ENOX1: variants seen among roughly 807,000 people sequenced by gnomAD.
ENOX1 encodes the protein ecto-NOX disulfide-thiol exchanger 1, also known as candidate growth-related and time keeping constitutive hydroquinone (NADH) oxidase.
A neutral mutation model predicts 82.5 loss-of-function variants in ENOX1; 42 were observed. The ratio of observed to expected loss-of-function variants is 0.51; its 90% CI spans 0.40 to 0.66. ENOX1 has a LOEUF of 0.66. Ranked by LOEUF, ENOX1 falls within the 30% of genes least tolerant of loss-of-function variation. The probability of loss-of-function intolerance (pLI) is 0.00; values close to 1 mark genes in which losing one functional copy is unlikely to be tolerated. For synonymous variants in ENOX1, 271 were observed against 282.2 expected (o/e 0.96, Z 0.40); for missense variants, 608 against 811.6 (o/e 0.75, Z 3.05).
intron 2 of ENOX1, among the ~76,000 whole-genome samples, chr13:43,555,210 G>A (rs1454104219): frequency 1.3e-5 from 2 of 152,232 alleles, no homozygotes; most frequent in Non-Finnish European, 2.9e-5. Context: ...CAGAGGAAAA[G>A]TGCTATCAGA....
At chr13:43,451,561 AT>A (rs2056966002) in intron 3 of ENOX1, among the ~76,000 whole-genome samples, 1 of 152,226 alleles carries the variant, frequency 6.6e-6, no homozygotes. Context: ...GTGTTTATTA[AT>A]AAGTGATTAT....
At chr13:43,540,854 A>G (rs12858981) in intron 2 of ENOX1, among the ~76,000 whole-genome samples, 27 of 152,196 alleles carry the variant, frequency 1.8e-4, no homozygotes, top group Non-Finnish European at 3.1e-4. Context: ...GGTGCCTTTA[A>G]CTTGAGAAAC....
intron 10 of ENOX1, 120 bp downstream of exon 10, chr13:43,326,299 G>A: frequency 1.2e-6 from 1 of 801,978 alleles, no homozygotes; most frequent in Admixed American, 2.2e-5. Context: ...CTGACAGTGA[G>A]ATCAGACAAT....
chr13:43,416,028 A>T (rs2054480085), intron 3 of ENOX1, among the ~76,000 whole-genome samples: 1 of 151,336 alleles, frequency 6.6e-6, no homozygotes, highest in Non-Finnish European at 1.5e-5. Flanking sequence ...AGCCGGGCAG[A>T]GGCGCTCCTC....
At chr13:43,312,169 G>A (rs1350336645) in intron 11 of ENOX1, among the ~76,000 whole-genome samples, 1 of 152,134 alleles carries the variant, frequency 6.6e-6, no homozygotes, top group African/African-American at 2.4e-5. Flanking sequence ...ATTAATTTAG[G>A]ACATTGGGGG....
At chr13:43,445,455 A>T (rs527820155) in intron 3 of ENOX1, among the ~76,000 whole-genome samples, 3 of 151,378 alleles carry the variant, frequency 2.0e-5, no homozygotes, top group East Asian at 1.9e-4. Context: ...TCTTTTTTTT[A>T]AAAAAGCCAC....
intron 16 of ENOX1, among the ~76,000 whole-genome samples, chr13:43,222,971 A>G (rs2041864975): frequency 6.6e-6 from 1 of 152,250 alleles, no homozygotes; most frequent in Admixed American, 6.5e-5. Flanking sequence ...CATGAAAGGC[A>G]TGAAATCTGT....
At chr13:43,255,176 A>G (rs1207153124) in intron 14 of ENOX1, among the ~76,000 whole-genome samples, 1 of 152,226 alleles carries the variant, frequency 6.6e-6, no homozygotes, top group Non-Finnish European at 1.5e-5. Flanking sequence ...TCACATTAAC[A>G]GAACCAAGAA....
intron 12 of ENOX1, among the ~76,000 whole-genome samples, chr13:43,292,735 A>AT (rs1428312407): frequency 1.3e-5 from 2 of 152,086 alleles, no homozygotes; most frequent in African/African-American, 4.8e-5. Context: ...CTTCACCACC[A>AT]TAGCCACCAA....
chr13:43,256,869 A>G (rs576358109), intron 14 of ENOX1, among the ~76,000 whole-genome samples: 61 of 152,366 alleles, frequency 4.0e-4, no homozygotes, highest in African/African-American at 1.4e-3. Flanking sequence ...ATATTGCAGT[A>G]CTATTCACAA....
intron 1 of ENOX1, among the ~76,000 whole-genome samples, chr13:43,731,214 A>T (rs1263692688): frequency 6.6e-6 from 1 of 152,200 alleles, no homozygotes; most frequent in Non-Finnish European, 1.5e-5. Context: ...TCAATTTGCC[A>T]TACACTAAAA....
At chr13:43,622,880 G>A (rs940344993) in intron 2 of ENOX1, among the ~76,000 whole-genome samples, 3 of 152,078 alleles carry the variant, frequency 2.0e-5, no homozygotes, top group Admixed American at 6.6e-5. Context: ...CCATTAGGTC[G>A]GGGCAGGGCT....
At chr13:43,296,541 G>T (rs1425462804) in intron 12 of ENOX1, among the ~76,000 whole-genome samples, 1 of 152,186 alleles carries the variant, frequency 6.6e-6, no homozygotes, top group Admixed American at 6.5e-5. Context: ...ATACATTTCT[G>T]TCTCAACTAC....
rs763318177 is a variant in ENOX1 at position 43,326,477 on chromosome 13, C to T, written c.1085G>A (p.Trp362Ter). ...VFNASTRQKA[W>*]DHFSKAQRKN... ...GCGCTGGGCTTTCGAGAAATGGTCCCAAGCTTTTTGTCTGGTAGAAGCGTT... is the reference window on the plus strand; with the variant it reads ...GCGCTGGGCTTTCGAGAAATGGTCCTAAGCTTTTTGTCTGGTAGAAGCGTT... The change falls in exon 10 of 17, where the codon TGG becomes TAG. Residue 362 changes from tryptophan (W) to a stop codon, truncating the protein, a stop_gained. Transcript: ENST00000690772. LOFTEE classifies it high-confidence loss of function. 6.2e-7 allele frequency: 1 copy of T among 1,614,052 alleles called. No individual in the cohort carries two copies. Among genetic ancestry groups the T allele is most frequent in the Non-Finnish European group, 8.5e-7 (1 of 1,180,004 alleles).
intron 3 of ENOX1, among the ~76,000 whole-genome samples, chr13:43,413,719 T>TTA (rs199605170): frequency 1.2e-4 from 18 of 144,146 alleles, no homozygotes; most frequent in Admixed American, 4.8e-4. Flanking sequence ...TTATATATAT[T>TTA]TATATATATA....
intron 1 of ENOX1, among the ~76,000 whole-genome samples, chr13:43,670,211 T>C (rs561263018): frequency 6.6e-6 from 1 of 152,274 alleles, no homozygotes; most frequent in African/African-American, 2.4e-5. Context: ...ATATGAAGAT[T>C]ATCGTAATAT....
chr13:43,669,917 T>C (rs911582703), intron 1 of ENOX1, among the ~76,000 whole-genome samples: 4 of 152,148 alleles, frequency 2.6e-5, no homozygotes, highest in Non-Finnish European at 4.4e-5. Flanking sequence ...GGGATAAAGA[T>C]GTAAAACATA....
chr13:43,605,765 T>C (rs1027904144), intron 2 of ENOX1, among the ~76,000 whole-genome samples: 5 of 152,088 alleles, frequency 3.3e-5, no homozygotes, highest in African/African-American at 1.2e-4. Flanking sequence ...TCTTGAGTAA[T>C]ACCCTATAAG....
At chr13:43,751,359 T>A (rs1950304312) in intron 1 of ENOX1, among the ~76,000 whole-genome samples, 1 of 152,206 alleles carries the variant, frequency 6.6e-6, no homozygotes, top group African/African-American at 2.4e-5. Flanking sequence ...ACTGGGTTTT[T>A]AAAAATAGGT....
Sources: gnomAD v4.1 joint callset for allele counts (sites outside exome capture counted in the v4.1 genomes callset) on GRCh38, gnomAD v4.1.1 for gene constraint, MANE v1.5 for transcripts, NCBI Gene and HGNC (gene_info 2026-07-23, HGNC 2026-07-21) for gene names.